Variants in RALYL observed in about 807,000 individuals in gnomAD.
RALYL encodes the protein RNA-binding Raly-like protein.
RALYL carries 29 observed loss-of-function variants against 35.1 expected under a neutral mutation model. The ratio of observed to expected loss-of-function variants is 0.83; its 90% CI spans 0.61 to 1.13. The LOEUF is 1.13. RALYL is among the 50% of genes most tolerant of loss of function. The pLI is 0.00. For missense variants in RALYL, 359 were observed against 360.4 expected, an observed-to-expected ratio of 1.00 and a Z score of 0.03; for synonymous variants, 120 against 127.6, an observed-to-expected ratio of 0.94 and a Z score of 0.40.
intron 4 of RALYL, among the ~76,000 whole-genome samples, chr8:84,846,017 C>A (rs948836092): frequency 6.6e-6 from 1 of 152,140 alleles, no homozygotes; most frequent in African/African-American, 2.4e-5. Context: ...TGTACCAGGA[C>A]CATGCTTTTT....
chr8:84,249,269 A>G (rs774117015), intron 1 of RALYL, among the ~76,000 whole-genome samples: 7 of 152,086 alleles, frequency 4.6e-5, no homozygotes, highest in Non-Finnish European at 1.0e-4. Context: ...CCTTTTTCCT[A>G]CTATAATTTC....
chr8:84,251,624 T>C (rs1830217638), intron 1 of RALYL, among the ~76,000 whole-genome samples: 1 of 152,110 alleles, frequency 6.6e-6, no homozygotes, highest in African/African-American at 2.4e-5. Context: ...TCGCCTTACC[T>C]TTGTATGACA....
chr8:84,743,117 T>C (rs1440313251), intron 2 of RALYL, among the ~76,000 whole-genome samples: 1 of 152,070 alleles, frequency 6.6e-6, no homozygotes, highest in Non-Finnish European at 1.5e-5. Context: ...GCAGCGCTTC[T>C]GATAGCTGTA....
chr8:84,522,157 G>A (rs1449102051), intron 1 of RALYL, among the ~76,000 whole-genome samples: 1 of 151,562 alleles, frequency 6.6e-6, no homozygotes, highest in Non-Finnish European at 1.5e-5. Flanking sequence ...TCAGTTTACT[G>A]TGAAATTTAT....
intron 2 of RALYL, among the ~76,000 whole-genome samples, chr8:84,622,926 T>G (rs1186790750): frequency 6.6e-6 from 1 of 152,200 alleles, no homozygotes; most frequent in Admixed American, 6.5e-5. Flanking sequence ...AGTTTGGTTG[T>G]GACAAATTAA....
chr8:84,202,411 C>T (rs1182200906), intron 1 of RALYL, among the ~76,000 whole-genome samples: 1 of 131,640 alleles, frequency 7.6e-6, no homozygotes, highest in African/African-American at 2.8e-5. Flanking sequence ...CTTGCTCTGT[C>T]GCCTAGGCTG....
intron 1 of RALYL, among the ~76,000 whole-genome samples, chr8:84,498,658 A>G (rs2056340190): frequency 6.6e-6 from 1 of 152,184 alleles, no homozygotes; most frequent in Non-Finnish European, 1.5e-5. Flanking sequence ...ATAAAGCTGT[A>G]TACATTCTAT....
At chr8:84,221,483 C>T (rs1274955593) in intron 1 of RALYL, among the ~76,000 whole-genome samples, 1 of 151,996 alleles carries the variant, frequency 6.6e-6, no homozygotes, top group Non-Finnish European at 1.5e-5. Flanking sequence ...ATCTTGGGTT[C>T]AGATACATGC....
rs1460405138 is a variant in RALYL at position 84,361,478 on chromosome 8, G to C, written c.-23-167821G>C. Among the ~76,000 whole-genome samples the C allele has an allele frequency of 3.3e-5, 5 of 152,194 alleles. No homozygotes were observed. The East Asian group carries it at 9.7e-4, about 29-fold the overall frequency. On this transcript the variant is annotated intron_variant, in intron 1 of 8. Coordinates refer to ENST00000521268, the MANE Select transcript of RALYL (RefSeq NM_173848.7). ...GGACAACAGACCTGAGCATGCTGCT[G>C]TGGAGGATGGGGTGGCTACATCAGA...
At chr8:84,277,492 C>G (rs185896246) in intron 1 of RALYL, among the ~76,000 whole-genome samples, 122 of 152,246 alleles carry the variant, frequency 8.0e-4, no homozygotes, top group African/African-American at 2.8e-3. Context: ...ATTTCAAAAC[C>G]AATCATGCCT....
In RALYL at chr8:84,824,207, A is replaced by G. The variant is rs11997021; in HGVS notation, c.365+19405A>G. On this transcript the variant is annotated intron_variant, in intron 4 of 8. Coordinates refer to ENST00000521268, the MANE Select transcript of RALYL (RefSeq NM_173848.7). ...AAAATCAGTAGCATTTCTATATACCAATAATGTTCAATTTGAGAACCAAAT... is the reference window on the plus strand; with the variant it reads ...AAAATCAGTAGCATTTCTATATACCGATAATGTTCAATTTGAGAACCAAAT... Among the ~76,000 whole-genome samples the G allele has an allele frequency of 3.7e-3, 570 of 152,246 alleles. 6 individuals carry two copies. Among genetic ancestry groups the G allele is most frequent in the African/African-American group, 0.013 (543 of 41,544 alleles).
chr8:84,384,152 T>G (rs1000834932), intron 1 of RALYL, among the ~76,000 whole-genome samples: 6 of 151,770 alleles, frequency 4.0e-5, no homozygotes, highest in Admixed American at 3.3e-4. Context: ...CACAATCACT[T>G]TAAACATAAA....
intron 8 of RALYL, among the ~76,000 whole-genome samples, chr8:84,888,206 A>G (rs1233346386): frequency 6.6e-6 from 1 of 152,240 alleles, no homozygotes; most frequent in Non-Finnish European, 1.5e-5. Context: ...AGTCTTGTCT[A>G]CAGTGTGCTC....
chr8:84,450,009 GA>G (rs1261847945), intron 1 of RALYL, among the ~76,000 whole-genome samples: 1 of 149,104 alleles, frequency 6.7e-6, no homozygotes. Flanking sequence ...AAGGCGTTCA[GA>G]AAAAAAAATG....
chr8:84,903,043 A>C (rs1257611973), intron 8 of RALYL, among the ~76,000 whole-genome samples: 1 of 151,734 alleles, frequency 6.6e-6, no homozygotes. Context: ...ACACAGTGAG[A>C]CTCTTATTTT....
chr8:84,280,193 A>G (rs1278360955), intron 1 of RALYL, among the ~76,000 whole-genome samples: 1 of 152,204 alleles, frequency 6.6e-6, no homozygotes, highest in Non-Finnish European at 1.5e-5. Flanking sequence ...TCATGTCTCA[A>G]TTATGAATAT....
At chr8:84,461,395 T>C (rs1039905130) in intron 1 of RALYL, among the ~76,000 whole-genome samples, 1 of 151,618 alleles carries the variant, frequency 6.6e-6, no homozygotes, top group Non-Finnish European at 1.5e-5. Context: ...AAGGGTAATA[T>C]AGAATGTCAG....
At chr8:84,642,471 G>A (rs1023952143) in intron 2 of RALYL, among the ~76,000 whole-genome samples, 2 of 151,870 alleles carry the variant, frequency 1.3e-5, no homozygotes, top group Non-Finnish European at 2.9e-5. Flanking sequence ...CTTAGCACCA[G>A]CAGCTTAGTA....
chr8:84,471,736 A>C (rs2052781843), intron 1 of RALYL, among the ~76,000 whole-genome samples: 1 of 152,188 alleles, frequency 6.6e-6, no homozygotes, highest in Admixed American at 6.5e-5. Flanking sequence ...GACCTTGACA[A>C]ATTTCTTAAA....
Sources: allele counts gnomAD v4.1 joint callset (sites outside exome capture counted in the v4.1 genomes callset), GRCh38; gene constraint gnomAD v4.1.1; transcripts MANE v1.5; gene names NCBI Gene and HGNC (gene_info 2026-07-23, HGNC 2026-07-21).